Variants in ANO6 observed in about 807,000 individuals in gnomAD.
The protein encoded by ANO6 is anoctamin 6, also known as anoctamin-6.
In ANO6, 106 loss-of-function variants were observed where a neutral mutation model predicts 117.5. That is an observed-to-expected ratio of 0.90 (90% CI 0.77 to 1.06). The LOEUF (loss-of-function observed/expected upper bound fraction) is 1.06, where lower values mean the gene tolerates loss of function less well. Among genes scored for constraint, ANO6 ranks in the 50% least tolerant of loss-of-function variants. The pLI is 0.00. For missense variants in ANO6, 955 were observed against 1,121.1 expected (o/e 0.85, Z 2.12); for synonymous variants, 367 against 385.1 (o/e 0.95, Z 0.55).
rs570224547 is a variant in ANO6, at chr12:45,284,176, T to C, written c.71-17838T>C. Reference sequence around the variant, plus strand: ...AAAAAAGGGTCTGATCTAATGCGAATAGACAGAATGGGGAAACCCAGCAAG... The same window carrying C: ...AAAAAAGGGTCTGATCTAATGCGAACAGACAGAATGGGGAAACCCAGCAAG... On this transcript the variant is annotated intron_variant, in intron 1 of 19. Coordinates refer to ENST00000320560, the MANE Select transcript of ANO6 (RefSeq NM_001025356.3). 3.3e-5 allele frequency among the ~76,000 whole-genome samples: 5 copies of C among 152,208 alleles called. No individual in the cohort carries two copies. The South Asian group carries it at 1.0e-3, about 32-fold the overall frequency.
At chr12:45,220,997 T>C (rs1020676960) in intron 1 of ANO6, among the ~76,000 whole-genome samples, 1 of 152,024 alleles carries the variant, frequency 6.6e-6, no homozygotes, top group Admixed American at 6.5e-5. Context: ...GAACCTCAAT[T>C]TGTAGCCGGT....
chr12:45,411,978 C>G (rs1943098576), intron 16 of ANO6, among the ~76,000 whole-genome samples: 1 of 152,208 alleles, frequency 6.6e-6, no homozygotes, highest in African/African-American at 2.4e-5. Flanking sequence ...CTCCAACACA[C>G]ATATAAAACT....
chr12:45,288,913 A>G (rs1939005301), intron 1 of ANO6, among the ~76,000 whole-genome samples: 1 of 151,674 alleles, frequency 6.6e-6, no homozygotes, highest in East Asian at 1.9e-4. Flanking sequence ...ACGCCCGGCT[A>G]ATTTTTGTAT....
intron 1 of ANO6, among the ~76,000 whole-genome samples, chr12:45,260,638 C>G (rs79220448): frequency 0.016 from 2,373 of 152,222 alleles, 48 homozygotes; most frequent in East Asian, 0.069. Flanking sequence ...CTTATGCTAT[C>G]ACAAGTCCTG....
At chr12:45,398,426 A>G (rs1942689104) in intron 12 of ANO6, among the ~76,000 whole-genome samples, 1 of 152,224 alleles carries the variant, frequency 6.6e-6, no homozygotes, top group South Asian at 2.1e-4. Flanking sequence ...GACTATTGTA[A>G]TTCTGCACTG....
At chr12:45,296,487 C>T (rs748175864) in intron 1 of ANO6, among the ~76,000 whole-genome samples, 8 of 152,136 alleles carry the variant, frequency 5.3e-5, no homozygotes, top group East Asian at 3.8e-4. Context: ...GTTCTAATTG[C>T]GAATGCTATA....
intron 1 of ANO6, among the ~76,000 whole-genome samples, chr12:45,240,715 T>C (rs1947729367): frequency 6.6e-6 from 1 of 152,204 alleles, no homozygotes; most frequent in Non-Finnish European, 1.5e-5. Flanking sequence ...TGTTTAGTGC[T>C]TCCTTCAGGA....
chr12:45,372,505 C>T (rs1206777567), intron 9 of ANO6, among the ~76,000 whole-genome samples: 4 of 141,612 alleles, frequency 2.8e-5, no homozygotes, highest in South Asian at 2.5e-4. Context: ...AGACTAACAG[C>T]GGATCTCTCG....
In ANO6 at chr12:45,239,517, T is replaced by C. The variant is rs1196751029; in HGVS notation, c.70+23126T>C. Among the ~76,000 whole-genome samples the C allele has an allele frequency of 2.2e-4, 34 of 152,130 alleles. No individual in the cohort carries two copies. The East Asian group carries it at 6.0e-3, about 27-fold the overall frequency. The stretch of plus-strand genomic sequence containing the variant: ...CTCCTGGATTCATTGATTTTTTTTT[T>C]TTGAAGGGTTTTTTGTGTTTCTGTT... On this transcript the variant is annotated intron_variant, in intron 1 of 19. Coordinates refer to ENST00000320560, the MANE Select transcript of ANO6 (RefSeq NM_001025356.3).
At chr12:45,298,427 A>G (rs1347074533) in intron 1 of ANO6, among the ~76,000 whole-genome samples, 10 of 152,108 alleles carry the variant, frequency 6.6e-5, no homozygotes, top group Non-Finnish European at 1.5e-5. Flanking sequence ...TGACTATTTT[A>G]TTTTTGCTGA....
chr12:45,415,263 A>C (rs1943186283), intron 16 of ANO6, among the ~76,000 whole-genome samples: 2 of 152,302 alleles, frequency 1.3e-5, no homozygotes, highest in East Asian at 3.9e-4. Flanking sequence ...TAGTTTTCTC[A>C]TTAATTTATT....
intron 10 of ANO6, among the ~76,000 whole-genome samples, chr12:45,381,444 T>G (rs1942166470): frequency 6.6e-6 from 1 of 152,196 alleles, no homozygotes; most frequent in Non-Finnish European, 1.5e-5. Context: ...AACAGAAATT[T>G]CTGTCTGTGA....
At chr12:45,318,498 C>T (rs1189427035) in intron 2 of ANO6, among the ~76,000 whole-genome samples, 2 of 152,120 alleles carry the variant, frequency 1.3e-5, no homozygotes, top group Non-Finnish European at 2.9e-5. Flanking sequence ...TGTTTTGGTA[C>T]CAGTACCATG....
In ANO6 at chr12:45,403,245, T is replaced by C; in HGVS notation, c.1782+4T>C. ...GGGAAAATACAGAAATGAAGAGGTA[T>C]GAATATATAATTGTATTATCTTGCC... On this transcript the variant is annotated splice_donor_region_variant and intron_variant, in intron 14 of 19. Coordinates refer to ENST00000320560, the MANE Select transcript of ANO6 (RefSeq NM_001025356.3). 6.2e-7 allele frequency: 1 copy of C among 1,613,538 alleles called. No homozygotes were observed. Among genetic ancestry groups the C allele is most frequent in the Non-Finnish European group, 8.5e-7 (1 of 1,179,636 alleles).
At chr12:45,264,151 C>G (rs899997101) in intron 1 of ANO6, among the ~76,000 whole-genome samples, 2 of 152,190 alleles carry the variant, frequency 1.3e-5, no homozygotes, top group Non-Finnish European at 2.9e-5. Context: ...CACCCCATTA[C>G]CTGCTGCATG....
intron 1 of ANO6, among the ~76,000 whole-genome samples, chr12:45,263,862 C>T (rs770830976): frequency 2.6e-5 from 4 of 152,184 alleles, no homozygotes; most frequent in Non-Finnish European, 5.9e-5. Flanking sequence ...GCTTGGCTCC[C>T]TTCTGTGAAA....
At chr12:45,428,735 C>A (rs1220383383) in intron 19 of ANO6, among the ~76,000 whole-genome samples, 1 of 152,158 alleles carries the variant, frequency 6.6e-6, no homozygotes, top group Non-Finnish European at 1.5e-5. Flanking sequence ...TATGATAGCA[C>A]TGACTTTTGG....
At chr12:45,298,165 G>A (rs1162672473) in intron 1 of ANO6, among the ~76,000 whole-genome samples, 1 of 152,164 alleles carries the variant, frequency 6.6e-6, no homozygotes, top group Non-Finnish European at 1.5e-5. Context: ...TTGATGAACA[G>A]ATAACATAGA....
intron 2 of ANO6, among the ~76,000 whole-genome samples, chr12:45,304,300 T>A (rs1939594080): frequency 6.6e-6 from 1 of 152,138 alleles, no homozygotes; most frequent in African/African-American, 2.4e-5. Context: ...GCTTACAGCG[T>A]CAGTGAAAAT....
Sources: gnomAD v4.1 joint callset for allele counts (sites outside exome capture counted in the v4.1 genomes callset) on GRCh38, gnomAD v4.1.1 for gene constraint, MANE v1.5 for transcripts, NCBI Gene and HGNC (gene_info 2026-07-23, HGNC 2026-07-21) for gene names.